The following PCDH15 variants were observed in gnomAD, a reference collection of about 807,000 sequenced individuals.
PCDH15 encodes the protein protocadherin related 15.
PCDH15 carries 129 observed loss-of-function variants against 178.5 expected under a neutral mutation model. That is an observed-to-expected ratio of 0.72 (90% CI 0.63 to 0.84). The LOEUF (loss-of-function observed/expected upper bound fraction) is 0.84, where lower values mean the gene tolerates loss of function less well. Ranked by LOEUF, PCDH15 falls within the 40% of genes least tolerant of loss-of-function variation. The probability of loss-of-function intolerance (pLI) is 0.00; values close to 1 mark genes in which losing one functional copy is unlikely to be tolerated. For missense variants in PCDH15, 2,230 were observed against 2,099.9 expected, an observed-to-expected ratio of 1.06 and a Z score of -1.21; for synonymous variants, 800 against 732.0, an observed-to-expected ratio of 1.09 and a Z score of -1.50.
chr10:54,050,680 A>C (rs2093751696), intron 18 of PCDH15, among the ~76,000 whole-genome samples: 1 of 151,812 alleles, frequency 6.6e-6, no homozygotes, highest in African/African-American at 2.4e-5. Context: ...AATGTGAGTT[A>C]TTTCTATATT....
At chr10:54,967,561 T>G (rs1838824195) in intron 2 of PCDH15, among the ~76,000 whole-genome samples, 1 of 152,202 alleles carries the variant, frequency 6.6e-6, no homozygotes, top group Non-Finnish European at 1.5e-5. Context: ...TGTAGAAATA[T>G]CCAGCTCATA....
intron 2 of PCDH15, among the ~76,000 whole-genome samples, chr10:54,575,783 T>C (rs2090410761): frequency 6.6e-6 from 1 of 152,206 alleles, no homozygotes; most frequent in African/African-American, 2.4e-5. Flanking sequence ...GTAAATTAGT[T>C]CTCAGACACT....
At chr10:55,350,656 T>C (rs971283450) in intron 2 of PCDH15, among the ~76,000 whole-genome samples, 4 of 152,130 alleles carry the variant, frequency 2.6e-5, no homozygotes, top group Non-Finnish European at 4.4e-5. Context: ...AAGCAGGTGC[T>C]GACTTTTACT....
At chr10:54,409,131 A>G (rs552319950) in intron 3 of PCDH15, among the ~76,000 whole-genome samples, 1 of 152,240 alleles carries the variant, frequency 6.6e-6, no homozygotes, top group Non-Finnish European at 1.5e-5. Flanking sequence ...CATGTGAGAC[A>G]TGTATTTTGC....
chr10:54,437,926 C>A (rs552239402), intron 3 of PCDH15, among the ~76,000 whole-genome samples: 1 of 152,258 alleles, frequency 6.6e-6, no homozygotes, highest in African/African-American at 2.4e-5. Context: ...TCGTTGGAAT[C>A]TCTTTTTCCC....
intron 2 of PCDH15, among the ~76,000 whole-genome samples, chr10:55,467,895 A>G (rs1331163474): frequency 1.5e-5 from 2 of 129,774 alleles, no homozygotes; most frequent in Non-Finnish European, 3.1e-5. Flanking sequence ...TGAACCTGGG[A>G]GGTGGAGCTT....
chr10:54,815,088 G>C (rs1952926995), intron 3 of PCDH15, among the ~76,000 whole-genome samples: 1 of 151,646 alleles, frequency 6.6e-6, no homozygotes, highest in African/African-American at 2.4e-5. Context: ...TGGACAATAA[G>C]GGTTTGGACT....
chr10:53,925,137 A>G (rs774776276), intron 25 of PCDH15, among the ~76,000 whole-genome samples: 4 of 152,040 alleles, frequency 2.6e-5, no homozygotes, highest in African/African-American at 9.7e-5. Flanking sequence ...TGGAAGCTTC[A>G]TTCTTTCACT....
rs749118582 is a variant in PCDH15 at position 53,917,944 on chromosome 10, C to T, written c.3374-14574G>A. Among the ~76,000 whole-genome samples the T allele has an allele frequency of 9.2e-5, 14 of 152,208 alleles. No homozygotes were observed. The South Asian group carries it at 1.2e-3, about 14-fold the overall frequency. ...TCTTGCTCCTGCTCTGGCCATATAA[C>T]GCACTGGCTCTCCCTTCACTTTCCA... On this transcript the variant is annotated intron_variant, in intron 25 of 37. Coordinates refer to ENST00000644397, the MANE Select transcript of PCDH15 (RefSeq NM_001384140.1).
At chr10:55,454,608 T>A (rs184914072) in intron 2 of PCDH15, among the ~76,000 whole-genome samples, 10 of 121,940 alleles carry the variant, frequency 8.2e-5, no homozygotes, top group Non-Finnish European at 1.5e-4. Context: ...AAACCCCGTC[T>A]CTACTAAAAA....
chr10:54,893,776 A>G (rs1001406993), intron 3 of PCDH15, among the ~76,000 whole-genome samples: 6 of 152,122 alleles, frequency 3.9e-5, no homozygotes, highest in Non-Finnish European at 8.8e-5. Flanking sequence ...CTGTTATAGA[A>G]TTTCTGAATT....
intron 28 of PCDH15, among the ~76,000 whole-genome samples, chr10:53,849,933 T>TA (rs202189557): frequency 0.01 from 1,218 of 116,070 alleles, 19 homozygotes; most frequent in African/African-American, 0.034. Flanking sequence ...TCATACAAAA[T>TA]AAAAAAAAGC....
rs1007263002 is a variant in PCDH15 at position 54,716,870 on chromosome 10, C to T, written c.-28-52580G>A. 4.7e-5 allele frequency among the ~76,000 whole-genome samples: 7 copies of T among 148,212 alleles called. No homozygotes were observed. The South Asian group carries it at 1.3e-3, about 27-fold the overall frequency. On this transcript the variant is annotated intron_variant, in intron 1 of 37. Transcript: ENST00000644397. ...CCTGACTTCAAACTATACTACAAGGCTACAGTAACCAAAACAGCATGGTAC... is the reference window on the plus strand; with the variant it reads ...CCTGACTTCAAACTATACTACAAGGTTACAGTAACCAAAACAGCATGGTAC...
chr10:53,807,277 T>G, intron 37 of PCDH15, 147 bp from the exon 38 acceptor site: 5 of 630,122 alleles, frequency 7.9e-6, no homozygotes, highest in Non-Finnish European at 1.3e-5. Flanking sequence ...CCAGTCTTTA[T>G]TAACATACAT....
intron 2 of PCDH15, among the ~76,000 whole-genome samples, chr10:55,517,447 T>C (rs767484808): frequency 6.6e-6 from 1 of 152,130 alleles, no homozygotes; most frequent in Non-Finnish European, 1.5e-5. Context: ...AGTCAAAATG[T>C]GGATGCCTGG....
chr10:54,427,812 A>G (rs1318821793), intron 3 of PCDH15, among the ~76,000 whole-genome samples: 3 of 152,174 alleles, frequency 2.0e-5, no homozygotes, highest in Non-Finnish European at 4.4e-5. Context: ...CTAAAGAGGG[A>G]AAGTTATTCA....
At chr10:54,204,479 T>C (rs1024077558) in intron 10 of PCDH15, among the ~76,000 whole-genome samples, 2 of 152,086 alleles carry the variant, frequency 1.3e-5, no homozygotes, top group Admixed American at 1.3e-4. Flanking sequence ...GGGATGTTTG[T>C]AGCATCTTTT....
At chr10:55,120,764 G>T (rs1837746081) in intron 2 of PCDH15, among the ~76,000 whole-genome samples, 1 of 152,170 alleles carries the variant, frequency 6.6e-6, no homozygotes, top group Admixed American at 6.5e-5. Context: ...CCCCAGTTGT[G>T]ACTGAAGTGG....
intron 5 of PCDH15, among the ~76,000 whole-genome samples, chr10:54,358,540 G>A (rs1468411672): frequency 6.6e-6 from 1 of 152,060 alleles, no homozygotes; most frequent in Non-Finnish European, 1.5e-5. Context: ...TGGAGAAATA[G>A]GAACACTTTT....
Sources: gnomAD v4.1 joint callset for allele counts (sites outside exome capture counted in the v4.1 genomes callset) on GRCh38, gnomAD v4.1.1 for gene constraint, MANE v1.5 for transcripts, NCBI Gene and HGNC (gene_info 2026-07-23, HGNC 2026-07-21) for gene names.